Variants in ANKRD44 observed in about 807,000 individuals in gnomAD.
ANKRD44 encodes the protein serine/threonine-protein phosphatase 6 regulatory ankyrin repeat subunit B.
A neutral mutation model predicts 116.0 loss-of-function variants in ANKRD44; 35 were observed. The observed-to-expected ratio is 0.30, with a 90% CI of 0.23 to 0.40. ANKRD44 has a LOEUF of 0.40. ANKRD44 is among the 10% of genes least tolerant of loss of function. The probability of loss-of-function intolerance (pLI) is 1.00; values close to 1 mark genes in which losing one functional copy is unlikely to be tolerated. For missense variants in ANKRD44, 1,014 were observed against 1,242.6 expected (o/e 0.82, Z 2.77); for synonymous variants, 435 against 461.8 (o/e 0.94, Z 0.74).
intron 16 of ANKRD44, among the ~76,000 whole-genome samples, chr2:197,060,501 C>T (rs954912128): frequency 2.6e-5 from 4 of 152,146 alleles, no homozygotes; most frequent in Non-Finnish European, 5.9e-5. Flanking sequence ...AATTAATATC[C>T]TAATATCCGT....
intron 6 of ANKRD44, among the ~76,000 whole-genome samples, chr2:197,123,859 A>T (rs980218439): frequency 1.6e-4 from 25 of 151,964 alleles, no homozygotes; most frequent in Admixed American, 2.0e-4. Context: ...TATAGAAAAA[A>T]TTTTTTTCGA....
rs998653382 is a variant in ANKRD44, at chr2:197,261,211, G to T, written c.27+49367C>A. ...TCTTCTAGGGTTTTTATGGTTTTAG[G>T]TCTAACATTTAAGTCTTTAATCCAT... On this transcript the variant is annotated intron_variant, in intron 1 of 27. Transcript: ENST00000282272. 1.7e-4 allele frequency among the ~76,000 whole-genome samples: 25 copies of T among 151,396 alleles called. 1 individual carries two copies. The highest frequency in any genetic ancestry group is 5.8e-4 in the African/African-American group (24 of 41,264).
chr2:197,162,935 G>A (rs988444225), intron 2 of ANKRD44, among the ~76,000 whole-genome samples: 2 of 152,210 alleles, frequency 1.3e-5, no homozygotes, highest in Non-Finnish European at 2.9e-5. Flanking sequence ...TAAGAAAAGG[G>A]TCTGCCTATA....
intron 1 of ANKRD44, among the ~76,000 whole-genome samples, chr2:197,191,288 C>A (rs1231061248): frequency 6.6e-6 from 1 of 152,172 alleles, no homozygotes; most frequent in Non-Finnish European, 1.5e-5. Flanking sequence ...CAACAACTAG[C>A]CCCCTACTAC....
chr2:197,013,416 A>G, intron 18 of ANKRD44, 95 bp downstream of exon 18: 2 of 1,366,380 alleles, frequency 1.5e-6, no homozygotes, highest in Non-Finnish European at 2.0e-6. Flanking sequence ...ATTGATATTT[A>G]AAAAACTGGG....
intron 7 of ANKRD44, 109 bp downstream of exon 7, chr2:197,122,540 GA>G: frequency 7.1e-7 from 1 of 1,417,172 alleles, no homozygotes; most frequent in Non-Finnish European, 9.5e-7. Flanking sequence ...CAGGATGCTA[GA>G]AAACAATTCC....
intron 25 of ANKRD44, among the ~76,000 whole-genome samples, chr2:196,996,012 A>C (rs1559402719): frequency 6.6e-6 from 1 of 152,356 alleles, no homozygotes; most frequent in East Asian, 1.9e-4. Flanking sequence ...TCTGTACCTT[A>C]TGAAGATAGA....
chr2:197,103,177 A>G (rs545793343), intron 9 of ANKRD44, among the ~76,000 whole-genome samples: 28 of 150,766 alleles, frequency 1.9e-4, no homozygotes, highest in African/African-American at 6.8e-4. Flanking sequence ...GCAGTGAGCC[A>G]AGATTACGCC....
chr2:197,000,213 A>T (rs1017613705), intron 23 of ANKRD44, among the ~76,000 whole-genome samples: 1 of 152,210 alleles, frequency 6.6e-6, no homozygotes, highest in Non-Finnish European at 1.5e-5. Flanking sequence ...TGTAAATAAC[A>T]GTGTATAGTA....
chr2:197,023,511 G>C (rs144809393), intron 17 of ANKRD44, among the ~76,000 whole-genome samples: 101 of 151,986 alleles, frequency 6.6e-4, no homozygotes, highest in African/African-American at 2.2e-3. Context: ...CTATCTTTAC[G>C]CAGCCAGCAA....
chr2:197,083,875 C>T (rs1255169266), intron 13 of ANKRD44, among the ~76,000 whole-genome samples: 2 of 152,148 alleles, frequency 1.3e-5, no homozygotes, highest in African/African-American at 2.4e-5. Context: ...AGTGAGGCTA[C>T]AAAGACAGTG....
At chr2:196,975,656 T>G (rs1410775484) in intron 21 of ANKRD44, among the ~76,000 whole-genome samples, 4 of 149,646 alleles carry the variant, frequency 2.7e-5, no homozygotes, top group South Asian at 2.1e-4. Context: ...CCAGGTGTGG[T>G]GGCACACACC....
At chr2:197,066,083 T>C (rs2077426735) in intron 16 of ANKRD44, among the ~76,000 whole-genome samples, 1 of 152,210 alleles carries the variant, frequency 6.6e-6, no homozygotes, top group Non-Finnish European at 1.5e-5. Context: ...TCAAAAAGCT[T>C]ATTCACGATG....
At chr2:197,084,319 C>T (rs1192970493) in intron 13 of ANKRD44, among the ~76,000 whole-genome samples, 1 of 152,162 alleles carries the variant, frequency 6.6e-6, no homozygotes, top group East Asian at 1.9e-4. Context: ...TCACGAATCA[C>T]TTCCACCCAT....
At chr2:197,083,345 A>C in intron 14 of ANKRD44, 24 bp downstream of exon 14, 2 of 1,604,252 alleles carry the variant, frequency 1.2e-6, no homozygotes, top group South Asian at 2.2e-5. Context: ...TTCCCAGAGG[A>C]AGCATGAGCA....
At chr2:197,054,166 G>A (rs900451316) in intron 16 of ANKRD44, among the ~76,000 whole-genome samples, 8 of 152,192 alleles carry the variant, frequency 5.3e-5, no homozygotes, top group Non-Finnish European at 1.0e-4. Context: ...TATATGTAAT[G>A]TAAACACTTA....
intron 1 of ANKRD44, among the ~76,000 whole-genome samples, chr2:197,242,153 A>G (rs13001147): frequency 0.1 from 15,955 of 152,230 alleles, 905 homozygotes; most frequent in Non-Finnish European, 0.13. Flanking sequence ...GAAAAATTCA[A>G]TGAAAACAGG....
chr2:197,040,195 C>T (rs1327705216), intron 16 of ANKRD44, among the ~76,000 whole-genome samples: 4 of 151,120 alleles, frequency 2.6e-5, no homozygotes, highest in Middle Eastern at 3.2e-3. Context: ...GCTGAGATCA[C>T]GTCACTGACT....
intron 8 of ANKRD44, among the ~76,000 whole-genome samples, chr2:197,115,116 G>T (rs2078677408): frequency 6.6e-6 from 1 of 152,138 alleles, no homozygotes; most frequent in South Asian, 2.1e-4. Flanking sequence ...CCATCTCTTA[G>T]AGCTAAATGA....
Sources: allele counts gnomAD v4.1 joint callset (sites outside exome capture counted in the v4.1 genomes callset), GRCh38; gene constraint gnomAD v4.1.1; transcripts MANE v1.5; gene names NCBI Gene and HGNC (gene_info 2026-07-23, HGNC 2026-07-21).